DYTN: variants seen among roughly 807,000 people sequenced by gnomAD.
The protein encoded by DYTN is dystrotelin.
In DYTN, 75 loss-of-function variants were observed where a neutral mutation model predicts 69.6. The ratio of observed to expected loss-of-function variants is 1.08; its 90% CI spans 0.89 to 1.31. The LOEUF (loss-of-function observed/expected upper bound fraction) is 1.31. DYTN is among the 50% of genes most tolerant of loss of function. The probability of loss-of-function intolerance (pLI) is 0.00; values close to 1 mark genes in which losing one functional copy is unlikely to be tolerated. For synonymous variants in DYTN, 252 were observed against 249.1 expected (o/e 1.01, Z -0.11); for missense variants, 726 against 688.4 (o/e 1.05, Z -0.61).
chr2:206,676,467 T>C (rs1055708949), intron 9 of DYTN, among the ~76,000 whole-genome samples: 5 of 152,092 alleles, frequency 3.3e-5, no homozygotes, highest in South Asian at 2.1e-4. Context: ...TTAGGACAAA[T>C]AGTTAACGCA....
intron 9 of DYTN, among the ~76,000 whole-genome samples, chr2:206,680,159 T>C (rs547553792): frequency 6.6e-6 from 1 of 152,298 alleles, no homozygotes; most frequent in South Asian, 2.1e-4. Context: ...GGAGGCCTCA[T>C]AATCATGGCA....
chr2:206,711,870 T>A (rs1430543620), intron 1 of DYTN, among the ~76,000 whole-genome samples: 1 of 152,184 alleles, frequency 6.6e-6, no homozygotes, highest in Non-Finnish European at 1.5e-5. Flanking sequence ...CAAATTTGAT[T>A]TTTATTTAAT....
chr2:206,708,907 T>C (rs1358797100), intron 2 of DYTN, among the ~76,000 whole-genome samples: 1 of 152,198 alleles, frequency 6.6e-6, no homozygotes, highest in Non-Finnish European at 1.5e-5. Flanking sequence ...AAACTGTGCA[T>C]CCACAAATTA....
chr2:206,678,671 C>T (rs1312579663), intron 9 of DYTN, among the ~76,000 whole-genome samples: 1 of 151,994 alleles, frequency 6.6e-6, no homozygotes, highest in African/African-American at 2.4e-5. Context: ...CTATAGAGAA[C>T]TATATAATGA....
intron 5 of DYTN, among the ~76,000 whole-genome samples, chr2:206,701,545 C>G (rs565292820): frequency 2.0e-5 from 3 of 152,250 alleles, no homozygotes. Flanking sequence ...CACAGAAAGA[C>G]AAATACCACA....
At chr2:206,710,636 T>C (rs1700071787) in intron 1 of DYTN, 38 bp from the exon 2 acceptor site, 6 of 1,457,118 alleles carry the variant, frequency 4.1e-6, no homozygotes, top group Non-Finnish European at 5.6e-6. Context: ...ATAAAGTCTC[T>C]CTCATTATAT....
At chr2:206,694,923 A>AAT in intron 7 of DYTN, 46 bp from the exon 8 acceptor site, 1 of 310,138 alleles carries the variant, frequency 3.2e-6, no homozygotes, top group East Asian at 6.9e-5. Flanking sequence ...AGTAGATGAG[A>AAT]AAAAAAAAAA....
chr2:206,682,954 A>G (rs977397561), intron 9 of DYTN, among the ~76,000 whole-genome samples: 1 of 152,222 alleles, frequency 6.6e-6, no homozygotes, highest in African/African-American at 2.4e-5. Context: ...CAAGTATACA[A>G]GGAAAGCTAA....
intron 1 of DYTN, among the ~76,000 whole-genome samples, chr2:206,715,386 A>G (rs7607521): frequency 0.53 from 80,177 of 151,854 alleles, 22,614 homozygotes; most frequent in East Asian, 0.96. Flanking sequence ...TCTCAGATGC[A>G]TCCTTATCCA....
In DYTN at chr2:206,699,869, C is replaced by G; in HGVS notation, c.577G>C (p.Glu193Gln). The G allele has an allele frequency of 6.2e-7, 1 of 1,613,380 alleles. No homozygotes were observed. Among genetic ancestry groups the G allele is most frequent in the East Asian group, 2.2e-5 (1 of 44,852 alleles). ...TGGACCCAAGACAGGAATTTTTCTT[C>G]TTTGATTGCTGGGCTCAACACCTGA... ...FQGVLSPAIK[E>Q]EKFLSWVQSE... The change falls in exon 7 of 12, where the codon GAA becomes CAA. Residue 193 changes from glutamate to glutamine, a missense_variant. Transcript: ENST00000452335.
At chr2:206,683,651 TTC>T (rs1184738743) in intron 9 of DYTN, among the ~76,000 whole-genome samples, 5 of 152,078 alleles carry the variant, frequency 3.3e-5, no homozygotes. Flanking sequence ...GCCTTATTTC[TTC>T]TCTTATTACT....
At chr2:206,704,984 CAATGTAT>C in intron 4 of DYTN, 41 bp from the exon 5 acceptor site, 1 of 1,516,004 alleles carries the variant, frequency 6.6e-7, no homozygotes, top group Non-Finnish European at 9.1e-7. Flanking sequence ...TGAATACTTG[CAATGTAT>C]CTTTGAAGAG....
At position 206,651,773 on chromosome 2, in the gene DYTN, G is replaced by A. The variant is rs1246768012; in HGVS notation, c.*45C>T. 6.5e-7 allele frequency: 1 copy of A among 1,532,440 alleles called. No individual in the cohort carries two copies. The highest frequency in any genetic ancestry group is 1.7e-5 in the Admixed American group (1 of 58,670). The allele number at this position is 1,532,440 out of a possible 1,614,324, so 94.9% of individuals were successfully genotyped here. On this transcript the variant is annotated 3_prime_UTR_variant, in exon 12 of 12. Coordinates refer to ENST00000452335, the MANE Select transcript of DYTN (RefSeq NM_001093730.1). ...ATTCTTTTAATACAGTTGTGCAACT[G>A]CATTTTGTCATCACACCAAGAGGCC...
intron 3 of DYTN, among the ~76,000 whole-genome samples, 164 bp from the exon 4 acceptor site, chr2:206,706,037 G>A (rs911346617): frequency 2.6e-5 from 4 of 152,178 alleles, no homozygotes; most frequent in Admixed American, 2.6e-4. Flanking sequence ...GCAGAACAGA[G>A]CATTGAATTA....
In DYTN at chr2:206,663,384, C is replaced by T. The variant is rs569753490; in HGVS notation, c.1152G>A (p.Gln384=). The change falls in exon 11 of 12, where the codon CAG becomes CAA. Residue 384 remains glutamine (Q), a synonymous_variant. Transcript: ENST00000452335. ...AGGAAGAAGATGAAGGACCGGGTGG[C>T]TGCAACCTTGCCTGGGGAAACAAAA... ...QIRRDLQARL[Q]PPGPSSSSFQ... is the part of the protein sequence containing the mutation. The T allele has an allele frequency of 6.3e-7, 1 of 1,590,222 alleles. No homozygotes were observed. The highest frequency in any genetic ancestry group is 1.1e-5 in the South Asian group (1 of 87,044).
chr2:206,681,283 T>C (rs1699747698), intron 9 of DYTN, among the ~76,000 whole-genome samples: 1 of 152,168 alleles, frequency 6.6e-6, no homozygotes, highest in African/African-American at 2.4e-5. Flanking sequence ...GCTGAGACAA[T>C]GGGGCTTTCT....
At chr2:206,672,488 T>C (rs1699640349) in intron 9 of DYTN, among the ~76,000 whole-genome samples, 1 of 152,216 alleles carries the variant, frequency 6.6e-6, no homozygotes, top group South Asian at 2.1e-4. Flanking sequence ...TGTCGCACAC[T>C]CTAGCATGAT....
At chr2:206,666,738 C>CGT (rs56345459) in intron 9 of DYTN, among the ~76,000 whole-genome samples, 9,270 of 145,618 alleles carry the variant, frequency 0.064, 661 homozygotes, top group African/African-American at 0.18. Context: ...CATGGGTGTG[C>CGT]GTGTGTGTGT....
chr2:206,679,686 T>C lies in DYTN; in HGVS notation c.980+13489A>G, dbSNP rs574666351. ...AACTCCTGATTCCAGATAATTCACA[T>C]CTAAAGAACAGATAAATATAGAATC... is the stretch of plus-strand genomic sequence containing the variant. On this transcript the variant is annotated intron_variant, in intron 9 of 11. Transcript: ENST00000452335. Among the ~76,000 whole-genome samples, 109 of 152,224 alleles carry C rather than the reference T, an allele frequency of 7.2e-4. 2 individuals are homozygous for C. In the South Asian group the frequency reaches 0.022, roughly 30 times the overall value.
Sources: gnomAD v4.1 joint callset for allele counts (sites outside exome capture counted in the v4.1 genomes callset) on GRCh38, gnomAD v4.1.1 for gene constraint, MANE v1.5 for transcripts, NCBI Gene and HGNC (gene_info 2026-07-23, HGNC 2026-07-21) for gene names.